The following COL6A3 variants were observed in gnomAD, a reference collection of about 807,000 sequenced individuals.
COL6A3 encodes collagen type VI alpha 3 chain, also known as collagen alpha-3(VI) chain.
COL6A3 carries 137 observed loss-of-function variants against 274.1 expected under a neutral mutation model. That is an observed-to-expected ratio of 0.50 (90% CI 0.44 to 0.58). The LOEUF (loss-of-function observed/expected upper bound fraction) is 0.58, where lower values mean the gene tolerates loss of function less well. Among genes scored for constraint, COL6A3 ranks in the 20% least tolerant of loss-of-function variants. The pLI, the probability that COL6A3 is intolerant of heterozygous loss-of-function variation, is 0.00. For synonymous variants in COL6A3, 1,650 were observed against 1,650.6 expected (o/e 1.00, Z 0.01); for missense variants, 3,950 against 4,124.9 (o/e 0.96, Z 1.16).
intron 1 of COL6A3, among the ~76,000 whole-genome samples, chr2:237,399,810 A>C (rs1167583919): frequency 6.6e-6 from 1 of 152,148 alleles, no homozygotes; most frequent in Non-Finnish European, 1.5e-5. Context: ...TGGGTTTGCA[A>C]ATATCTGCTC....
At position 237,394,905 on chromosome 2, in the gene COL6A3, T is replaced by C. The variant is rs2078392757; in HGVS notation, c.391A>G (p.Thr131Ala). Residue 131 changes from threonine to alanine, a missense_variant, in exon 3 of 44, where the codon ACC (threonine) becomes GCC (alanine). Thr to Ala is a moderately conservative substitution (Grantham distance 58). This residue lies in a region of COL6A3 where 1,934 missense variants were observed against 1,984.3 expected (regional missense o/e 0.97). Transcript: ENST00000295550. ...CCGGCCCGGCTTCCAGCAGCCTTGGTGAGGTGGCTTTGCATTATGTATTCT... is the reference window on the plus strand; with the variant it reads ...CCGGCCCGGCTTCCAGCAGCCTTGGCGAGGTGGCTTTGCATTATGTATTCT... ...GLEYIMQSHL[T>A]KAAGSRAGDG... 6.2e-7 allele frequency: 1 copy of C among 1,612,066 alleles called. No individual in the cohort carries two copies.
chr2:237,375,118 G>C lies in COL6A3; in HGVS notation c.3071-98C>G. The C allele has an allele frequency of 1.9e-6, 3 of 1,556,502 alleles. No homozygotes were observed. In the South Asian group the frequency reaches 3.4e-5, roughly 18 times the overall value. ...ATAAGAGCATCACAGGGATGTCCAA[G>C]TCCAAATCCCCGAACTTGAGAAAAG... On this transcript the variant is annotated intron_variant, in intron 7 of 43. Transcript: ENST00000295550.
At chr2:237,353,240 C>T (rs776519662) in intron 25 of COL6A3, 101 bp downstream of exon 25, 2 of 1,184,788 alleles carry the variant, frequency 1.7e-6, no homozygotes, top group Non-Finnish European at 2.5e-6. Context: ...GGATTGTTCA[C>T]TTTAAAATGG....
intron 4 of COL6A3, 138 bp downstream of exon 4, chr2:237,387,444 G>A: frequency 7.7e-7 from 1 of 1,292,510 alleles, no homozygotes. Flanking sequence ...CCAGGACCCA[G>A]CTCATCAGGG....
At chr2:237,351,958 T>C (rs925535589) in intron 26 of COL6A3, among the ~76,000 whole-genome samples, 1 of 152,228 alleles carries the variant, frequency 6.6e-6, no homozygotes, top group Admixed American at 6.5e-5. Context: ...TCCCTCAATA[T>C]CATCTCAGCC....
chr2:237,328,064 T>C (rs978233843), intron 42 of COL6A3: 6 of 152,156 alleles, frequency 3.9e-5, no homozygotes, highest in African/African-American at 1.2e-4. Context: ...TTGCTCTTCT[T>C]TATTATTGAG....
At chr2:237,405,939 T>C (rs1171952281) in intron 1 of COL6A3, among the ~76,000 whole-genome samples, 1 of 152,034 alleles carries the variant, frequency 6.6e-6, no homozygotes, top group East Asian at 1.9e-4. Context: ...CTGGAAGGGG[T>C]CTGTTCCTTC....
intron 2 of COL6A3, among the ~76,000 whole-genome samples, chr2:237,395,906 G>A (rs899094555): frequency 6.6e-6 from 1 of 152,090 alleles, no homozygotes; most frequent in East Asian, 1.9e-4. Context: ...CTCCCTCAAG[G>A]GTGGGAGCTC....
At chr2:237,362,765 G>C (rs928398128) in intron 14 of COL6A3, among the ~76,000 whole-genome samples, 2 of 152,208 alleles carry the variant, frequency 1.3e-5, no homozygotes, top group African/African-American at 2.4e-5. Flanking sequence ...GCTGGCCCTG[G>C]GGAGAATGAG....
rs1331214733 is a variant in COL6A3, at chr2:237,379,018, A to G, written c.2115T>C (p.His705=). ...TYQTKSDILG[H]LRQLQLQGGS... ...CTCCCTGGAGCTGCAGCTGCCTCAG[A>G]TGACCAAGGATATCTGACTTGGTCT... The change falls in exon 6 of 44, where the codon CAT becomes CAC. Residue 705 remains histidine (H), a synonymous_variant. Transcript: ENST00000295550. 1.1e-5 allele frequency: 17 copies of G among 1,614,112 alleles called. No homozygotes were observed. Among genetic ancestry groups the G allele is most frequent in the Non-Finnish European group, 1.4e-5 (16 of 1,180,054 alleles).
rs1237104299 is a variant in COL6A3 at position 237,413,965 on chromosome 2, C to G, written c.-43G>C. On this transcript the variant is annotated 5_prime_UTR_variant, in exon 1 of 44. Coordinates refer to ENST00000295550, the MANE Select transcript of COL6A3 (RefSeq NM_004369.4). The surrounding 1 kb of genome is among the most constrained non-coding windows in gnomAD (Gnocchi z 4.0). ...AAATCACACTTACCCCTGAGCAAAC[C>G]TGAAGGCGTGTGTCCCTGGGCTCCT... is the stretch of plus-strand genomic sequence containing the variant. The G allele has an allele frequency of 2.0e-5, 3 of 152,202 alleles. No homozygotes were observed. The highest frequency in any genetic ancestry group is 4.8e-5 in the African/African-American group (2 of 41,462). The allele number at this position is 152,202 out of a possible 1,614,324, so 9.4% of individuals were successfully genotyped here.
intron 1 of COL6A3, among the ~76,000 whole-genome samples, chr2:237,397,466 AGG>A (rs1169533219): frequency 8.2e-6 from 1 of 121,738 alleles, no homozygotes; most frequent in Admixed American, 9.3e-5. Context: ...AAAGAGAGAG[AGG>A]GAGGGAGGGA....
rs2106340865 is a variant in COL6A3, at chr2:237,358,947, T to C, written c.6408+88A>G. The C allele has an allele frequency of 2.0e-6, 3 of 1,467,374 alleles. No homozygotes were observed. In the East Asian group the frequency reaches 6.8e-5, roughly 33 times the overall value. The allele number at this position is 1,467,374 out of a possible 1,614,324, so 90.9% of individuals were successfully genotyped here. A position where few individuals can be genotyped will look rare whatever the true frequency, so the allele number is the denominator to read the frequency against. On this transcript the variant is annotated intron_variant, in intron 20 of 43. Transcript: ENST00000295550. Reference sequence around the variant, plus strand: ...GAAGGCTGCCTGGAGGAAGCGGGCTTGATGTATATGAGGAAAGAAAATAAC... The same window carrying C: ...GAAGGCTGCCTGGAGGAAGCGGGCTCGATGTATATGAGGAAAGAAAATAAC...
In COL6A3 at chr2:237,387,813, C is replaced by G; in HGVS notation, c.1081G>C (p.Glu361Gln). 6.2e-7 allele frequency: 1 copy of G among 1,614,176 alleles called. No homozygotes were observed. The highest frequency in any genetic ancestry group is 8.5e-7 in the Non-Finnish European group (1 of 1,180,024). ...AGTGCTACCACCCCGTAGCGAATCT[C>G]GTCACTAGAAGGCCCGGCACTTATG... ...VLISAGPSSDEIRYGVVALKQ... is the reference protein window; with the variant it reads ...VLISAGPSSDQIRYGVVALKQ... Residue 361 changes from glutamate (E) to glutamine (Q), a missense_variant, in exon 4 of 44, where the codon GAG (glutamate) becomes CAG (glutamine). Physicochemically the swap from Glu to Gln is conservative, Grantham distance 29. This residue lies in a region of COL6A3 where 1,934 missense variants were observed against 1,984.3 expected (regional missense o/e 0.97). Transcript: ENST00000295550.
intron 14 of COL6A3, 81 bp downstream of exon 14, chr2:237,363,172 A>T: frequency 5.8e-6 from 7 of 1,204,752 alleles, no homozygotes; most frequent in Non-Finnish European, 8.4e-6. Context: ...TCACCTGCTG[A>T]TAATTAACTT....
In COL6A3 at chr2:237,387,703, G is replaced by T. The variant is rs756367862; in HGVS notation, c.1191C>A (p.Asn397Lys). The T allele has an allele frequency of 6.2e-7, 1 of 1,614,090 alleles. No homozygotes were observed. The highest frequency in any genetic ancestry group is 1.1e-5 in the South Asian group (1 of 91,046). Residue 397 changes from asparagine (N) to lysine (K), a missense_variant, in exon 4 of 44, where the codon AAC becomes AAA. Asn to Lys is a moderately conservative substitution (Grantham distance 94). Around this residue, in one of 5 missense-constraint regions of COL6A3, gnomAD observed 1,934 missense variants for 1,984.3 expected, o/e 0.97. Coordinates refer to ENST00000295550, the MANE Select transcript of COL6A3 (RefSeq NM_004369.4). The stretch of plus-strand genomic sequence containing the variant: ...GGAATTCCGGGACAGTAAACACCAA[G>T]TTGTCATCGGTAGCTATGTGCTGAA... Reference protein sequence around the residue: ...AELQHIATDDNLVFTVPEFRS... With the variant: ...AELQHIATDDKLVFTVPEFRS...
intron 12 of COL6A3, among the ~76,000 whole-genome samples, chr2:237,365,155 T>C (rs2077523011): frequency 6.7e-6 from 1 of 148,796 alleles, no homozygotes; most frequent in African/African-American, 2.5e-5. Flanking sequence ...GAGAAAGCCA[T>C]GTGGAGACAC....
Position 237,368,730 on chromosome 2 carries a change from A to C in COL6A3, c.4733T>G (p.Ile1578Ser). ...IVSLGVGDRN[I>S]DRTELQTITN... ...GATGGTCTGCAGCTCTGTTCTGTCG[A>C]TGTTCCGGTCTCCTACCCCTAAACT... The change falls in exon 10 of 44, where the codon ATC becomes AGC. Residue 1578 changes from isoleucine (I) to serine (S), a missense_variant. Transcript: ENST00000295550. This position sits in a 1 kb window ranked among gnomAD's most constrained non-coding sequence, Gnocchi z 4.4. 1 of 1,614,082 alleles carries C rather than the reference A, an allele frequency of 6.2e-7. No individual in the cohort carries two copies. Among genetic ancestry groups the C allele is most frequent in the Non-Finnish European group, 8.5e-7 (1 of 1,180,014 alleles).
rs1233283052 is a variant in COL6A3 at position 237,364,384 on chromosome 2, A to C, written c.5883T>G (p.Asp1961Glu). ...FTDGADGDLA[D>E]LHRASENLRQ... ...GGAGGTTCTCAGATGCTCTGTGTAA[A>C]TCAGCCAGATCTCCGTCTGCTCCAT... The change falls in exon 13 of 44, where the codon GAT (aspartate) becomes GAG (glutamate). Residue 1961 changes from aspartate to glutamate, a missense_variant. Asp to Glu is a conservative substitution (Grantham distance 45, BLOSUM62 2). This residue lies in a region of COL6A3 where 632 missense variants were observed against 623.4 expected (regional missense o/e 1.01). Coordinates refer to ENST00000295550, the MANE Select transcript of COL6A3 (RefSeq NM_004369.4). The surrounding 1 kb of genome is among the most constrained non-coding windows in gnomAD (Gnocchi z 4.6). The C allele has an allele frequency of 6.2e-7, 1 of 1,614,118 alleles. No homozygotes were observed. The highest frequency in any genetic ancestry group is 1.1e-5 in the South Asian group (1 of 91,080).
Sources: allele counts gnomAD v4.1 joint callset (sites outside exome capture counted in the v4.1 genomes callset), GRCh38; gene constraint gnomAD v4.1.1; regional missense constraint gnomAD v4.1.1; non-coding constraint Gnocchi (gnomAD v3.1); transcripts MANE v1.5; gene names NCBI Gene and HGNC (gene_info 2026-07-23, HGNC 2026-07-21).